The following BPTF variants were observed in gnomAD, a reference collection of about 807,000 sequenced individuals.
The protein encoded by BPTF is bromodomain PHD finger transcription factor.
In BPTF, 18 loss-of-function variants were observed where a neutral mutation model predicts 292.5. The observed-to-expected ratio is 0.06, with a 90% CI of 0.04 to 0.09. The LOEUF is 0.09. Ranked by LOEUF, BPTF falls within the 10% of genes least tolerant of loss-of-function variation. The probability of loss-of-function intolerance (pLI) is 1.00; values close to 1 mark genes in which losing one functional copy is unlikely to be tolerated. For synonymous variants in BPTF, 1,225 were observed against 1,251.9 expected, an observed-to-expected ratio of 0.98 and a Z score of 0.45; for missense variants, 2,726 against 3,498.7, an observed-to-expected ratio of 0.78 and a Z score of 5.57.
At position 67,893,642 on chromosome 17, in the gene BPTF, C is replaced by T. The variant is rs1055293852; in HGVS notation, c.2328C>T (p.Thr776=). 3 of 1,611,500 alleles carry T rather than the reference C, an allele frequency of 1.9e-6. No homozygotes were observed. The highest frequency in any genetic ancestry group is 1.7e-6 in the Non-Finnish European group (2 of 1,177,892). The change falls in exon 6 of 28, where the codon ACC becomes ACT. Residue 776 remains threonine, a synonymous_variant. Transcript: ENST00000306378. The part of the protein sequence containing the change: ...NGSVHGSKVL[T]ISTLRLTITQ... Reference sequence around the variant, plus strand: ...CTGTCCATGGGTCCAAAGTTCTTACCATATCTACTCTGAGACTGACTATCA... The same window carrying T: ...CTGTCCATGGGTCCAAAGTTCTTACTATATCTACTCTGAGACTGACTATCA...
chr17:67,875,783 G>A (rs750637413), intron 4 of BPTF: 18 of 1,414,226 alleles, frequency 1.3e-5, no homozygotes, highest in Non-Finnish European at 1.6e-5. Flanking sequence ...GTAATGGGGG[G>A]AATCCTTCCC....
chr17:67,836,274 G>A (rs7221651), intron 1 of BPTF, among the ~76,000 whole-genome samples: 46,353 of 151,874 alleles, frequency 0.31, 8,433 homozygotes, highest in East Asian at 0.66. Flanking sequence ...TAATTCACAC[G>A]CTTGGGAAAC....
intron 7 of BPTF, among the ~76,000 whole-genome samples, chr17:67,903,282 T>C (rs2061971870): frequency 6.6e-6 from 1 of 152,250 alleles, no homozygotes; most frequent in African/African-American, 2.4e-5. Flanking sequence ...CTTCGTTTTT[T>C]GGAAGGAAAA....
At chr17:67,839,971 C>T (rs2057421307) in intron 1 of BPTF, among the ~76,000 whole-genome samples, 1 of 151,964 alleles carries the variant, frequency 6.6e-6, no homozygotes, top group African/African-American at 2.4e-5. Context: ...TTAAAAGACA[C>T]CTTAATAAGT....
At chr17:67,921,909 G>A (rs1447528829) in intron 13 of BPTF, among the ~76,000 whole-genome samples, 3 of 152,098 alleles carry the variant, frequency 2.0e-5, no homozygotes, top group African/African-American at 7.2e-5. Context: ...TTACACACCT[G>A]TAGTCCCAGC....
chr17:67,945,019 A>G (rs1172430414), intron 20 of BPTF, among the ~76,000 whole-genome samples: 1 of 152,042 alleles, frequency 6.6e-6, no homozygotes. Context: ...CCAAAATACA[A>G]AATTCTCAAC....
In BPTF at chr17:67,929,444, G is replaced by A; in HGVS notation, c.6107G>A (p.Arg2036Lys). 3 of 1,614,096 alleles carry A rather than the reference G, an allele frequency of 1.9e-6. No homozygotes were observed. In the South Asian group the frequency reaches 3.3e-5, roughly 18 times the overall value. ...CCCAGGACAGCAACAGTCACAATTA[G>A]GCCCAATACCTCAGGCTCTGGAGGA... ...FQPRTATVTIRPNTSGSGGTT... is the reference protein window; with the variant it reads ...FQPRTATVTIKPNTSGSGGTT... Residue 2036 changes from arginine to lysine, a missense_variant, in exon 17 of 28, where the codon AGG becomes AAG. Physicochemically the swap from Arg to Lys is conservative, Grantham distance 26. Transcript: ENST00000306378.
chr17:67,853,647 T>TCA lies in BPTF; in HGVS notation c.614-293_614-292insCA, dbSNP rs200043523. Among the ~76,000 whole-genome samples the TCA allele has an allele frequency of 4.3e-3, 649 of 152,212 alleles. 5 individuals carry two copies. The highest frequency in any genetic ancestry group is 0.015 in the African/African-American group (607 of 41,534). On this transcript the variant is annotated intron_variant, in intron 1 of 27. Transcript: ENST00000306378. ...TTAGAGATCCTTGTTCTGACACTGTTATTTTTTAATCATGATTACCTGTGA... is the reference window on the plus strand; with the variant it reads ...TTAGAGATCCTTGTTCTGACACTGTTCAATTTTTTAATCATGATTACCTGTGA...
chr17:67,969,067 C>T (rs944611564), intron 26 of BPTF, among the ~76,000 whole-genome samples: 12 of 151,018 alleles, frequency 7.9e-5, no homozygotes, highest in Admixed American at 2.0e-4. Flanking sequence ...TTTCACAGGC[C>T]GAGACAAGCA....
chr17:67,915,664 C>T (rs1346524230), intron 11 of BPTF, among the ~76,000 whole-genome samples: 1 of 152,042 alleles, frequency 6.6e-6, no homozygotes, highest in African/African-American at 2.4e-5. Flanking sequence ...ATGTGTGCCC[C>T]TTGCCTTTGA....
chr17:67,929,342 T>C lies in BPTF; in HGVS notation c.6005T>C (p.Val2002Ala). The C allele has an allele frequency of 6.2e-7, 1 of 1,613,748 alleles. No individual in the cohort carries two copies. Among genetic ancestry groups the C allele is most frequent in the African/African-American group, 1.3e-5 (1 of 75,012 alleles). ...VKQGQSNSGV[V>A]QVQQKVLGII... ...GGCTTCATCTTTTTTTAAGGCGTTG[T>C]TCAAGTACAGCAGAAAGTCCTGGGT... is the stretch of plus-strand genomic sequence containing the variant. The change falls in exon 17 of 28, where the codon GTT (valine) becomes GCT (alanine). Residue 2002 changes from valine (V) to alanine (A), a missense_variant. Physicochemically the swap from Val to Ala is moderately conservative, Grantham distance 64. Transcript: ENST00000306378.
intron 7 of BPTF, among the ~76,000 whole-genome samples, chr17:67,897,353 A>T: frequency 7.0e-6 from 1 of 142,082 alleles, no homozygotes; most frequent in African/African-American, 2.9e-5. Flanking sequence ...AAAAAAAAAA[A>T]AAAAAAAAAA....
chr17:67,886,921 A>G (rs188347156), intron 4 of BPTF, among the ~76,000 whole-genome samples: 7 of 152,280 alleles, frequency 4.6e-5, no homozygotes, highest in Admixed American at 4.6e-4. Context: ...GTTTTTCATT[A>G]TTACAAATAG....
At chr17:67,836,725 GAA>G (rs2057162338) in intron 1 of BPTF, among the ~76,000 whole-genome samples, 1 of 152,204 alleles carries the variant, frequency 6.6e-6, no homozygotes. Context: ...TAGGCAGAAA[GAA>G]AGTGCAGTTT....
intron 25 of BPTF, chr17:67,965,786 G>A (rs1213259910): frequency 1.3e-5 from 2 of 151,304 alleles, no homozygotes; most frequent in Non-Finnish European, 2.9e-5. Flanking sequence ...AGCCAGTGTG[G>A]TTGCTCACAT....
intron 19 of BPTF, among the ~76,000 whole-genome samples, chr17:67,941,372 G>A (rs1241401972): frequency 6.6e-6 from 1 of 152,198 alleles, no homozygotes; most frequent in Non-Finnish European, 1.5e-5. Flanking sequence ...AGAATTGCTT[G>A]AACCTGGGAG....
chr17:67,847,251 A>G (rs2058088855), intron 1 of BPTF, among the ~76,000 whole-genome samples: 1 of 152,136 alleles, frequency 6.6e-6, no homozygotes, highest in East Asian at 1.9e-4. Flanking sequence ...GTGTTAGCTC[A>G]CACCTGTAAT....
At position 67,833,242 on chromosome 17, in the gene BPTF, A is replaced by T. The variant is rs12449312; in HGVS notation, c.613+6905A>T. ...ATAACACTTCATTGTATGGCTATAC[A>T]GCCTTTTTTTTTTTTTTATGGAGAC... On this transcript the variant is annotated intron_variant, in intron 1 of 27. Coordinates refer to ENST00000306378, the MANE Select transcript of BPTF (RefSeq NM_182641.4). Among the ~76,000 whole-genome samples, 15 of 150,818 alleles carry T rather than the reference A, an allele frequency of 9.9e-5. No individual in the cohort carries two copies. In the South Asian group the frequency reaches 2.9e-3, roughly 29 times the overall value.
chr17:67,845,058 T>C (rs1007573891), intron 1 of BPTF, among the ~76,000 whole-genome samples: 21 of 152,174 alleles, frequency 1.4e-4, no homozygotes, highest in Admixed American at 5.9e-4. Context: ...GTTTTTTACA[T>C]GCATAGATTG....
Sources: allele counts gnomAD v4.1 joint callset (sites outside exome capture counted in the v4.1 genomes callset), GRCh38; gene constraint gnomAD v4.1.1; transcripts MANE v1.5; gene names NCBI Gene and HGNC (gene_info 2026-07-23, HGNC 2026-07-21).